MEIS2: variants seen among roughly 807,000 people sequenced by gnomAD.
MEIS2 encodes Meis homeobox 2.
Under a neutral mutation model 58.6 loss-of-function variants are expected in MEIS2, and 9 were observed. The observed-to-expected ratio is 0.15, with a 90% CI of 0.09 to 0.27. The LOEUF is 0.27. Ranked by LOEUF, MEIS2 falls within the 10% of genes least tolerant of loss-of-function variation. The pLI is 1.00. For missense variants in MEIS2, 427 were observed against 635.0 expected (o/e 0.67, Z 3.52); for synonymous variants, 221 against 228.4 (o/e 0.97, Z 0.29).
chr15:36,906,126 C>G (rs1230333851), intron 9 of MEIS2, among the ~76,000 whole-genome samples: 1 of 152,212 alleles, frequency 6.6e-6, no homozygotes, highest in Admixed American at 6.5e-5. Flanking sequence ...GAATTGAACT[C>G]TGACTGGCTC....
intron 7 of MEIS2, among the ~76,000 whole-genome samples, chr15:37,058,380 T>C (rs991184921): frequency 6.6e-6 from 1 of 152,232 alleles, no homozygotes; most frequent in African/African-American, 2.4e-5. Flanking sequence ...CTCAAGTTTT[T>C]ATCGTCTGAT....
chr15:37,088,427 A>G (rs567362532), intron 6 of MEIS2, among the ~76,000 whole-genome samples: 1 of 152,352 alleles, frequency 6.6e-6, no homozygotes, highest in South Asian at 2.1e-4. Flanking sequence ...ATAACTTTAT[A>G]ATGTTTTAAC....
intron 6 of MEIS2, among the ~76,000 whole-genome samples, chr15:37,085,751 G>C (rs1391791348): frequency 1.3e-5 from 2 of 152,104 alleles, no homozygotes; most frequent in Admixed American, 6.5e-5. Flanking sequence ...TAAAATAAAA[G>C]TCAAGGTTTT....
intron 8 of MEIS2, among the ~76,000 whole-genome samples, chr15:36,967,622 A>G (rs1233473881): frequency 6.6e-6 from 1 of 152,178 alleles, no homozygotes; most frequent in Non-Finnish European, 1.5e-5. Context: ...CCTGCACTCT[A>G]AGGCCTTTCA....
At chr15:37,022,240 T>A (rs2061549219) in intron 8 of MEIS2, among the ~76,000 whole-genome samples, 1 of 152,138 alleles carries the variant, frequency 6.6e-6, no homozygotes. Flanking sequence ...CATTATTAAG[T>A]TAGATATTTC....
At chr15:37,039,422 T>C (rs34471822) in intron 7 of MEIS2, among the ~76,000 whole-genome samples, 1 of 152,142 alleles carries the variant, frequency 6.6e-6, no homozygotes, top group Non-Finnish European at 1.5e-5. Flanking sequence ...TTAGCTTTTT[T>C]TGATAGATTT....
intron 8 of MEIS2, among the ~76,000 whole-genome samples, chr15:37,025,902 G>T: frequency 6.6e-6 from 1 of 152,258 alleles, no homozygotes; most frequent in East Asian, 1.9e-4. Context: ...TAAGCTCTAA[G>T]AGGGGTTTTT....
chr15:36,908,175 A>G (rs2056833365), intron 9 of MEIS2, among the ~76,000 whole-genome samples: 1 of 152,238 alleles, frequency 6.6e-6, no homozygotes, highest in Non-Finnish European at 1.5e-5. Flanking sequence ...CAAATTAAAC[A>G]TCTTTTACTT....
intron 7 of MEIS2, among the ~76,000 whole-genome samples, chr15:37,042,294 C>T (rs2062461245): frequency 6.6e-6 from 1 of 152,152 alleles, no homozygotes; most frequent in Admixed American, 6.5e-5. Flanking sequence ...TGATGATGTG[C>T]TATGATGAGT....
intron 8 of MEIS2, among the ~76,000 whole-genome samples, chr15:36,999,701 G>T (rs536922618): frequency 6.6e-6 from 1 of 152,322 alleles, no homozygotes; most frequent in East Asian, 1.9e-4. Flanking sequence ...TACAGAATTT[G>T]CTTAGAAGAT....
At chr15:36,991,019 T>C (rs932894758) in intron 8 of MEIS2, among the ~76,000 whole-genome samples, 1 of 152,194 alleles carries the variant, frequency 6.6e-6, no homozygotes, top group Admixed American at 6.5e-5. Context: ...TTTTCAGCTT[T>C]ACCTCATGAA....
intron 8 of MEIS2, among the ~76,000 whole-genome samples, chr15:36,971,861 C>T (rs1015330536): frequency 6.6e-6 from 1 of 152,140 alleles, no homozygotes; most frequent in African/African-American, 2.4e-5. Flanking sequence ...GCAGAATATG[C>T]TCTCCCAACT....
intron 7 of MEIS2, among the ~76,000 whole-genome samples, chr15:37,065,497 G>A (rs564916680): frequency 2.6e-4 from 39 of 152,316 alleles, no homozygotes; most frequent in Non-Finnish European, 4.3e-4. Context: ...ACGTGTGACT[G>A]ACAACTGTGG....
In MEIS2 at chr15:36,940,983, A is replaced by T. The variant is rs544792345; in HGVS notation, c.977+9341T>A. 6.6e-5 allele frequency among the ~76,000 whole-genome samples: 10 copies of T among 152,298 alleles called. No individual in the cohort carries two copies. In the South Asian group the frequency reaches 2.1e-3, roughly 32 times the overall value. ...TGAAAAAAGAATCACAAGGAAAGTTAATCCCTATGACTTTTGCCATTCTAT... is the reference window on the plus strand; with the variant it reads ...TGAAAAAAGAATCACAAGGAAAGTTTATCCCTATGACTTTTGCCATTCTAT... On this transcript the variant is annotated intron_variant, in intron 9 of 11. Transcript: ENST00000561208.
At chr15:36,940,720 C>T (rs1216998689) in intron 9 of MEIS2, among the ~76,000 whole-genome samples, 1 of 152,140 alleles carries the variant, frequency 6.6e-6, no homozygotes, top group Non-Finnish European at 1.5e-5. Context: ...AAAGGCTACT[C>T]AATAAATCAT....
chr15:36,961,220 A>C (rs1481505567), intron 8 of MEIS2, among the ~76,000 whole-genome samples: 1 of 152,158 alleles, frequency 6.6e-6, no homozygotes, highest in African/African-American at 2.4e-5. Flanking sequence ...ATTTGTATAT[A>C]GACGAAATCA....
chr15:37,006,613 C>G (rs112177690), intron 8 of MEIS2, among the ~76,000 whole-genome samples: 12 of 152,344 alleles, frequency 7.9e-5, no homozygotes, highest in African/African-American at 2.9e-4. Context: ...CTCTTAATCA[C>G]TAGGGCTAGT....
intron 7 of MEIS2, among the ~76,000 whole-genome samples, chr15:37,045,937 C>T (rs1357849412): frequency 6.6e-6 from 1 of 152,192 alleles, no homozygotes; most frequent in African/African-American, 2.4e-5. Flanking sequence ...CATCGGCTTA[C>T]CTCAGGCTTC....
chr15:36,974,494 G>A (rs1053957076), intron 8 of MEIS2, among the ~76,000 whole-genome samples: 3 of 152,064 alleles, frequency 2.0e-5, no homozygotes, highest in Admixed American at 6.5e-5. Context: ...GACATACCAC[G>A]TTAACATTTA....
Sources: gnomAD v4.1 joint callset for allele counts (sites outside exome capture counted in the v4.1 genomes callset) on GRCh38, gnomAD v4.1.1 for gene constraint, MANE v1.5 for transcripts, NCBI Gene and HGNC (gene_info 2026-07-23, HGNC 2026-07-21) for gene names.